Variants in TSPAN4 observed in about 807,000 individuals in gnomAD.
TSPAN4 encodes tetraspanin-4.
TSPAN4 carries 38 observed loss-of-function variants against 31.5 expected under a neutral mutation model. The ratio of observed to expected loss-of-function variants is 1.21; its 90% CI spans 0.93 to 1.58. The LOEUF (loss-of-function observed/expected upper bound fraction) is 1.58. Ranked by LOEUF, TSPAN4 falls within the 40% of genes most tolerant of loss-of-function variation. TSPAN4 has a pLI of 0.00. For synonymous variants in TSPAN4, 186 were observed against 144.6 expected (o/e 1.29, Z -2.06); for missense variants, 330 against 317.3 (o/e 1.04, Z -0.30).
intron 8 of TSPAN4, 30 bp downstream of exon 8, chr11:866,031 C>T: frequency 1.9e-6 from 3 of 1,605,158 alleles, no homozygotes; most frequent in Non-Finnish European, 2.6e-6. Context: ...GGGCTCCCTG[C>T]CCCCACTTTG....
chr11:861,484 G>T (rs1848452312), intron 3 of TSPAN4, among the ~76,000 whole-genome samples: 1 of 152,110 alleles, frequency 6.6e-6, no homozygotes. Flanking sequence ...AGGTCGAGGT[G>T]GGTGGATCAC....
intron 2 of TSPAN4, chr11:849,726 G>A (rs1389392186): frequency 6.6e-6 from 1 of 150,448 alleles, no homozygotes. Flanking sequence ...GGAGCGCTGG[G>A]GTTTGCCGGG....
intron 1 of TSPAN4, among the ~76,000 whole-genome samples, chr11:845,485 CG>C (rs1416981250): frequency 6.6e-6 from 1 of 152,126 alleles, no homozygotes; most frequent in African/African-American, 2.4e-5. Context: ...ACTCATATGT[CG>C]GGGCTGGTGA....
intron 3 of TSPAN4, among the ~76,000 whole-genome samples, chr11:855,655 T>G (rs928594354): frequency 6.6e-6 from 1 of 152,042 alleles, no homozygotes; most frequent in Non-Finnish European, 1.5e-5. Flanking sequence ...GGAGGACAGA[T>G]GGGGATGTGG....
At position 848,587 on chromosome 11, in the gene TSPAN4, C is replaced by G. The variant is rs1386119992; in HGVS notation, c.-18+1287C>G. Among the ~76,000 whole-genome samples, 1 of 152,176 alleles carries G rather than the reference C, an allele frequency of 6.6e-6. No individual in the cohort carries two copies. The highest frequency in any genetic ancestry group is 1.5e-5 in the Non-Finnish European group (1 of 68,000). The stretch of plus-strand genomic sequence containing the variant: ...CGGCAGCCCTCCCCAGACCTGCCAC[C>G]TCCCACATCAGTCACTCCAGGAGGA... On this transcript the variant is annotated intron_variant, in intron 2 of 8. Transcript: ENST00000397397. This position sits in a 1 kb window ranked among gnomAD's most constrained non-coding sequence, Gnocchi z 5.7.
intron 3 of TSPAN4, among the ~76,000 whole-genome samples, chr11:860,213 G>C (rs529483292): frequency 6.6e-6 from 1 of 152,328 alleles, no homozygotes; most frequent in African/African-American, 2.4e-5. Flanking sequence ...TGTGGGACTT[G>C]TGGGGCCCCA....
At chr11:854,300 T>C (rs1847923163) in intron 3 of TSPAN4, among the ~76,000 whole-genome samples, 3 of 152,050 alleles carry the variant, frequency 2.0e-5, no homozygotes, top group African/African-American at 7.2e-5. Context: ...CCGCACTGTA[T>C]GGTTAGGGCC....
At chr11:843,894 G>C (rs1054954678) in intron 1 of TSPAN4, among the ~76,000 whole-genome samples, 4 of 152,188 alleles carry the variant, frequency 2.6e-5, no homozygotes, top group African/African-American at 9.7e-5. Flanking sequence ...CAGAGGAGGA[G>C]GACGAAGGGT....
chr11:843,273 T>TC (rs1264651643), intron 1 of TSPAN4: 1 of 151,964 alleles, frequency 6.6e-6, no homozygotes, highest in Middle Eastern at 3.2e-3. Flanking sequence ...CGCCGGCAGC[T>TC]CCCCGCCCCG....
chr11:864,046 C>G (rs1848626749), intron 4 of TSPAN4: 1 of 261,760 alleles, frequency 3.8e-6, no homozygotes, highest in Non-Finnish European at 7.5e-6. Flanking sequence ...AAGACAGGCA[C>G]CCAGCGAGGC....
intron 8 of TSPAN4, 50 bp downstream of exon 8, chr11:866,051 T>G: frequency 6.3e-7 from 1 of 1,583,504 alleles, no homozygotes; most frequent in Non-Finnish European, 8.6e-7. Flanking sequence ...GTTAGGACCT[T>G]CTGAGCCCAG....
intron 1 of TSPAN4, among the ~76,000 whole-genome samples, chr11:845,257 C>T (rs1048107481): frequency 2.6e-5 from 4 of 152,166 alleles, no homozygotes; most frequent in Admixed American, 1.3e-4. Context: ...CACGGCGCCA[C>T]GAGCACACGT....
intron 3 of TSPAN4, chr11:857,898 C>T (rs1412217152): frequency 1.3e-5 from 2 of 152,324 alleles, no homozygotes; most frequent in African/African-American, 2.4e-5. Flanking sequence ...GACCTCCTGC[C>T]CTCATCACCT....
rs759099301 is a variant in TSPAN4 at position 864,477 on chromosome 11, CCAT to C, written c.298_300del (p.Ile100del). ...CTGCTGGTGTTCCTGCTGGAGGCCA[CCAT>C]CGCCATCCTCTTCTTCGCCTACACG... is the stretch of plus-strand genomic sequence containing the variant. On this transcript the variant is annotated inframe_deletion, in exon 5 of 9. Coordinates refer to ENST00000397397, the MANE Select transcript of TSPAN4 (RefSeq NM_003271.5). 3.7e-6 allele frequency: 6 copies of C among 1,612,832 alleles called. No individual in the cohort carries two copies. The East Asian group carries it at 1.3e-4, about 36-fold the overall frequency.
At chr11:851,367 C>T (rs773115863) in intron 3 of TSPAN4, among the ~76,000 whole-genome samples, 4 of 152,190 alleles carry the variant, frequency 2.6e-5, no homozygotes, top group African/African-American at 4.8e-5. Context: ...GGGGGTGTGG[C>T]CTCAGCTCCT....
At chr11:862,832 C>T (rs1350601475) in intron 4 of TSPAN4, 91 bp downstream of exon 4, 2 of 1,352,246 alleles carry the variant, frequency 1.5e-6, no homozygotes, top group Non-Finnish European at 2.0e-6. Context: ...CAGTGACCCC[C>T]CAGACGTGGG....
At chr11:851,907 G>A (rs944170280) in intron 3 of TSPAN4, among the ~76,000 whole-genome samples, 10 of 152,198 alleles carry the variant, frequency 6.6e-5, no homozygotes, top group African/African-American at 1.2e-4. Flanking sequence ...CTGCCTTCAG[G>A]GAGAAAGAAG....
intron 3 of TSPAN4, chr11:856,859 C>T (rs1013911013): frequency 6.6e-6 from 1 of 152,272 alleles, no homozygotes; most frequent in Non-Finnish European, 1.5e-5. Context: ...GTTTTAAAAG[C>T]TGCATATGCA....
chr11:862,250 AGGCCAGGGGTTG>A, intron 3 of TSPAN4: 1 of 403,808 alleles, frequency 2.5e-6, no homozygotes. Flanking sequence ...CTTTGGCTCC[AGGCCAGGGGTTG>A]GGCGGATCCC....
Sources: gnomAD v4.1 joint callset for allele counts (sites outside exome capture counted in the v4.1 genomes callset) on GRCh38, gnomAD v4.1.1 for gene constraint, Gnocchi (gnomAD v3.1) non-coding constraint, MANE v1.5 for transcripts, NCBI Gene and HGNC (gene_info 2026-07-23, HGNC 2026-07-21) for gene names.